AVEN: variants seen among roughly 807,000 people sequenced by gnomAD.
AVEN encodes the protein apoptosis and caspase activation inhibitor, also known as cell death regulator Aven.
Under a neutral mutation model 38.1 loss-of-function variants are expected in AVEN, and 41 were observed. The observed-to-expected ratio is 1.08, with a 90% CI of 0.84 to 1.40. The LOEUF is 1.40. AVEN is among the 40% of genes most tolerant of loss of function. The pLI, the probability that AVEN is intolerant of heterozygous loss-of-function variation, is 0.00. For missense variants in AVEN, 605 were observed against 438.8 expected (o/e 1.38, Z -3.38); for synonymous variants, 206 against 171.8 (o/e 1.20, Z -1.56).
chr15:33,862,123 C>G (rs946143454), downstream of AVEN, among the ~76,000 whole-genome samples: 1 of 152,062 alleles, frequency 6.6e-6, no homozygotes, highest in Non-Finnish European at 1.5e-5. Flanking sequence ...GACCCTGTAA[C>G]TGTTCATTTA....
chr15:34,055,833 CAAAT>C (rs1053495839), intron 5 of AVEN, among the ~76,000 whole-genome samples: 1 of 152,132 alleles, frequency 6.6e-6, no homozygotes, highest in South Asian at 2.1e-4. Flanking sequence ...TAAAAATAAA[CAAAT>C]AAATAAAATG....
downstream of AVEN, chr15:33,855,055 G>A (rs555763446): frequency 1.8e-5 from 16 of 865,302 alleles, no homozygotes; most frequent in African/African-American, 2.6e-4. Context: ...TCAACTAATG[G>A]TGATTGTTTT....
chr15:33,870,829 T>G (rs1406279374), intron 4 of AVEN, 106 bp downstream of exon 4: 2 of 749,104 alleles, frequency 2.7e-6, no homozygotes, highest in East Asian at 6.1e-5. Flanking sequence ...ACCCTCACTT[T>G]TATAAAGGGA....
At chr15:33,869,496 C>T (rs1259736285) in intron 4 of AVEN, among the ~76,000 whole-genome samples, 3 of 152,134 alleles carry the variant, frequency 2.0e-5, no homozygotes, top group African/African-American at 4.8e-5. Flanking sequence ...AAGCCAAGCA[C>T]TTCAGAACTT....
chr15:33,890,075 G>A (rs902648374), intron 2 of AVEN, among the ~76,000 whole-genome samples: 1 of 152,210 alleles, frequency 6.6e-6, no homozygotes, highest in African/African-American at 2.4e-5. Context: ...AGATGTTTGT[G>A]CATCACTGAT....
intron 2 of AVEN, among the ~76,000 whole-genome samples, chr15:33,892,684 A>G (rs946787643): frequency 2.8e-4 from 43 of 151,822 alleles, no homozygotes; most frequent in Middle Eastern, 3.4e-3. Context: ...TTTTACTTAG[A>G]ATTGTCTTGG....
Position 33,867,747 on chromosome 15 carries a change from T to C in AVEN, c.721A>G (p.Ile241Val), listed in dbSNP as rs1160545985. ...GPLGPGGRGP[I>V]FELKSVAAGC... ...GCAGCCACAGATTTCAGCTCAAAGA[T>C]GGGCCCCCTTCCTCCAGGCCCCAAG... The change falls in exon 5 of 6, where the codon ATC becomes GTC. Residue 241 changes from isoleucine (I) to valine (V), a missense_variant. Ile to Val is a conservative substitution (Grantham distance 29). Coordinates refer to ENST00000306730, the MANE Select transcript of AVEN (RefSeq NM_020371.3). The C allele has an allele frequency of 4.3e-6, 7 of 1,614,054 alleles. No individual in the cohort carries two copies. The highest frequency in any genetic ancestry group is 5.9e-6 in the Non-Finnish European group (7 of 1,180,028).
chr15:34,069,611 T>C (rs1900590542), intron 2 of AVEN, among the ~76,000 whole-genome samples: 1 of 152,220 alleles, frequency 6.6e-6, no homozygotes, highest in African/African-American at 2.4e-5. Flanking sequence ...ATCTCATTAT[T>C]GGTGATGTTA....
chr15:33,945,653 T>TC (rs1894479295), intron 2 of AVEN, among the ~76,000 whole-genome samples: 1 of 152,096 alleles, frequency 6.6e-6, no homozygotes, highest in Non-Finnish European at 1.5e-5. Flanking sequence ...TCGCGCAATC[T>TC]CAGCTCACTG....
chr15:33,863,294 C>T (rs751018663), downstream of AVEN, among the ~76,000 whole-genome samples: 1 of 152,220 alleles, frequency 6.6e-6, no homozygotes, highest in Non-Finnish European at 1.5e-5. Flanking sequence ...ATTAACCCTA[C>T]TGTCTTTCTC....
chr15:34,000,411 A>G (rs900860773), intron 2 of AVEN, among the ~76,000 whole-genome samples: 2 of 152,212 alleles, frequency 1.3e-5, no homozygotes, highest in African/African-American at 4.8e-5. Context: ...ACTGGTCACA[A>G]TTTAAAAGTC....
chr15:33,891,626 T>C (rs1208037290), intron 2 of AVEN, among the ~76,000 whole-genome samples: 1 of 152,204 alleles, frequency 6.6e-6, no homozygotes, highest in African/African-American at 2.4e-5. Flanking sequence ...ATCCAGTCTA[T>C]CAATGATGGA....
rs114659623 is a variant in AVEN at position 33,860,350 on chromosome 15, G to A, written n.2730-1256C>T. ...GAGACCAACCAGGGAGAAGTAGAAA[G>A]GAAAGAGTTTCAGGGAGGAGCAAGT... On this transcript the variant is annotated intron_variant and non_coding_transcript_variant, in intron 11 of 11. Transcript: ENST00000675287. Among the ~76,000 whole-genome samples the A allele has an allele frequency of 2.0e-5, 3 of 152,244 alleles. 1 individual carries two copies. Among genetic ancestry groups the A allele is most frequent in the Admixed American group, 1.3e-4 (2 of 15,276 alleles).
At chr15:33,976,120 A>G (rs1475306264) in intron 2 of AVEN, among the ~76,000 whole-genome samples, 2 of 152,214 alleles carry the variant, frequency 1.3e-5, no homozygotes, top group African/African-American at 2.4e-5. Context: ...ATATAACTAA[A>G]TATTACAACC....
At chr15:33,876,342 C>T (rs755027035) in intron 2 of AVEN, among the ~76,000 whole-genome samples, 2 of 152,088 alleles carry the variant, frequency 1.3e-5, no homozygotes, top group African/African-American at 2.4e-5. Context: ...GAGGCTGAGG[C>T]GGGTGGATTA....
intron 1 of AVEN, among the ~76,000 whole-genome samples, chr15:34,023,181 G>GA (rs983274134): frequency 1.1e-3 from 153 of 144,814 alleles, no homozygotes; most frequent in Middle Eastern, 7.2e-3. Flanking sequence ...CTCGGTCTCA[G>GA]AAAAAAAAAA....
At chr15:33,858,560 G>A (rs1302033105), downstream of AVEN, 1 of 38,086 alleles carries the variant, frequency 2.6e-5, no homozygotes, top group African/African-American at 4.2e-5. Context: ...TGGAAGTTGA[G>A]CTTTGATCAT....
At chr15:33,870,774 T>C (rs1001003672) in intron 4 of AVEN, among the ~76,000 whole-genome samples, 161 bp downstream of exon 4, 1 of 152,198 alleles carries the variant, frequency 6.6e-6, no homozygotes, top group Non-Finnish European at 1.5e-5. Flanking sequence ...TCAAAAAATT[T>C]TTGGATTCTC....
chr15:34,007,466 T>C (rs1897406468), intron 1 of AVEN, among the ~76,000 whole-genome samples: 1 of 152,224 alleles, frequency 6.6e-6, no homozygotes, highest in Admixed American at 6.5e-5. Flanking sequence ...TTTCCTCTAG[T>C]GTCCATTAAC....
Sources: allele counts gnomAD v4.1 joint callset (sites outside exome capture counted in the v4.1 genomes callset), GRCh38; gene constraint gnomAD v4.1.1; transcripts MANE v1.5; gene names NCBI Gene and HGNC (gene_info 2026-07-23, HGNC 2026-07-21).